The following MAGI1 variants were observed in gnomAD, a reference collection of about 807,000 sequenced individuals.
MAGI1 encodes membrane-associated guanylate kinase, WW and PDZ domain-containing protein 1.
A neutral mutation model predicts 139.9 loss-of-function variants in MAGI1; 58 were observed. That is an observed-to-expected ratio of 0.41 (90% confidence interval 0.34 to 0.52). MAGI1 has a LOEUF of 0.52. Among genes scored for constraint, MAGI1 ranks in the 20% least tolerant of loss-of-function variants. The pLI is 0.12. For missense variants in MAGI1, 1,874 were observed against 1,901.6 expected (o/e 0.99, Z 0.27); for synonymous variants, 812 against 737.9 (o/e 1.10, Z -1.63).
At chr3:65,575,291 T>G (rs998672642) in intron 2 of MAGI1, among the ~76,000 whole-genome samples, 1 of 152,010 alleles carries the variant, frequency 6.6e-6, no homozygotes, top group African/African-American at 2.4e-5. Flanking sequence ...CATGAAAAAT[T>G]AGTCATTATA....
At chr3:65,631,218 C>T (rs2084283767) in intron 1 of MAGI1, among the ~76,000 whole-genome samples, 1 of 152,104 alleles carries the variant, frequency 6.6e-6, no homozygotes, top group Non-Finnish European at 1.5e-5. Context: ...GAGGAAGACA[C>T]CACATGCAAT....
chr3:65,728,414 A>T (rs2033845013), intron 1 of MAGI1, among the ~76,000 whole-genome samples: 1 of 152,224 alleles, frequency 6.6e-6, no homozygotes, highest in African/African-American at 2.4e-5. Context: ...GAAGCTGCTC[A>T]GCAGTTTTCA....
At chr3:65,567,613 G>T (rs2108050123) in intron 2 of MAGI1, among the ~76,000 whole-genome samples, 1 of 152,278 alleles carries the variant, frequency 6.6e-6, no homozygotes, top group African/African-American at 2.4e-5. Context: ...GAGGCTGGTG[G>T]ATCACTTGAG....
intron 1 of MAGI1, among the ~76,000 whole-genome samples, chr3:65,981,277 G>A (rs1234133166): frequency 6.6e-6 from 1 of 152,136 alleles, no homozygotes; most frequent in Non-Finnish European, 1.5e-5. Context: ...CTCCACTGTA[G>A]AACATTTTAA....
intron 1 of MAGI1, among the ~76,000 whole-genome samples, chr3:65,853,145 C>A (rs1004360236): frequency 6.6e-6 from 1 of 151,424 alleles, no homozygotes; most frequent in Non-Finnish European, 1.5e-5. Flanking sequence ...CCAGCCAGGG[C>A]GACAGAGCGA....
intron 22 of MAGI1, chr3:65,360,832 C>G: frequency 9.2e-7 from 1 of 1,091,530 alleles, no homozygotes. Context: ...AGGAAACCTG[C>G]TTTCCTGCTT....
chr3:65,838,804 C>A (rs914652589), intron 1 of MAGI1, among the ~76,000 whole-genome samples: 1 of 152,276 alleles, frequency 6.6e-6, no homozygotes, highest in Admixed American at 6.5e-5. Context: ...ATGGACATAT[C>A]ATTTTCCAGT....
chr3:65,974,434 G>A (rs539107865), intron 1 of MAGI1, among the ~76,000 whole-genome samples: 6 of 151,540 alleles, frequency 4.0e-5, no homozygotes, highest in Admixed American at 3.9e-4. Context: ...TGGATGGATG[G>A]ATGCATGGAT....
chr3:65,429,532 C>T lies in MAGI1; in HGVS notation c.2155G>A (p.Val719Met). 6.2e-7 allele frequency: 1 copy of T among 1,609,686 alleles called. No homozygotes were observed. The highest frequency in any genetic ancestry group is 8.5e-7 in the Non-Finnish European group (1 of 1,176,808). The stretch of plus-strand genomic sequence containing the variant: ...CAACCCTACTTACCTCCTCGTTGCA[C>T]CAACAATGTGACCTCACTTCCCTTA... ...CPKGSEVTLL[V>M]QRGGLPVPKK... Residue 719 changes from valine (V) to methionine (M), a missense_variant, in exon 12 of 23, where the codon GTG (valine) becomes ATG (methionine). By Grantham distance (21) the Val-to-Met change is conservative (BLOSUM62 1). Transcript: ENST00000402939.
rs539032904 is a variant in MAGI1 at position 65,885,412 on chromosome 3, T to C, written c.313+152584A>G. 2.5e-3 allele frequency among the ~76,000 whole-genome samples: 368 copies of C among 149,740 alleles called. 1 individual carries two copies. Among genetic ancestry groups the C allele is most frequent in the African/African-American group, 7.9e-3 (320 of 40,284 alleles). ...AACTCTGTCTCAAAAAAAAAAAAAA[T>C]AGTTTTCACATATATTGTGAACGTT... On this transcript the variant is annotated intron_variant, in intron 1 of 22. Transcript: ENST00000402939.
At chr3:65,861,545 G>C (rs2059556431) in intron 1 of MAGI1, among the ~76,000 whole-genome samples, 1 of 152,118 alleles carries the variant, frequency 6.6e-6, no homozygotes, top group Non-Finnish European at 1.5e-5. Flanking sequence ...CTGTAATAGG[G>C]AAAATAGACT....
At chr3:65,507,858 T>G (rs2077363852) in intron 2 of MAGI1, among the ~76,000 whole-genome samples, 1 of 152,016 alleles carries the variant, frequency 6.6e-6, no homozygotes, top group African/African-American at 2.4e-5. Context: ...TTTTTTTCAG[T>G]CTCATTGTTA....
At chr3:65,507,202 A>C (rs956276572) in intron 2 of MAGI1, among the ~76,000 whole-genome samples, 1 of 152,242 alleles carries the variant, frequency 6.6e-6, no homozygotes, top group Admixed American at 6.5e-5. Context: ...TAAAATTTCT[A>C]GCCACACAGC....
chr3:65,766,359 C>T (rs1227570359), intron 1 of MAGI1, among the ~76,000 whole-genome samples: 1 of 152,080 alleles, frequency 6.6e-6, no homozygotes, highest in African/African-American at 2.4e-5. Flanking sequence ...GTGATTCTTT[C>T]CGGGTACCAT....
At chr3:65,890,901 C>T (rs936324368) in intron 1 of MAGI1, among the ~76,000 whole-genome samples, 3 of 152,290 alleles carry the variant, frequency 2.0e-5, no homozygotes, top group South Asian at 4.1e-4. Context: ...TGTATCGCCT[C>T]GTTTGTTTAG....
intron 1 of MAGI1, among the ~76,000 whole-genome samples, chr3:65,930,680 G>A (rs546694702): frequency 6.6e-6 from 1 of 152,110 alleles, no homozygotes; most frequent in Non-Finnish European, 1.5e-5. Context: ...GATTAAACAG[G>A]TTGCGGTAAA....
At chr3:65,946,841 A>G (rs2063566236) in intron 1 of MAGI1, among the ~76,000 whole-genome samples, 1 of 152,226 alleles carries the variant, frequency 6.6e-6, no homozygotes, top group African/African-American at 2.4e-5. Flanking sequence ...GTAAGAAAAT[A>G]TAGGAAAAAG....
At chr3:65,502,262 GC>G (rs1380689866) in intron 2 of MAGI1, among the ~76,000 whole-genome samples, 1 of 152,184 alleles carries the variant, frequency 6.6e-6, no homozygotes, top group Non-Finnish European at 1.5e-5. Flanking sequence ...CAAAAATAAA[GC>G]CATTTTGTTT....
At chr3:65,747,466 T>TA (rs1447561442) in intron 1 of MAGI1, among the ~76,000 whole-genome samples, 13 of 152,240 alleles carry the variant, frequency 8.5e-5, no homozygotes, top group Non-Finnish European at 1.5e-4. Flanking sequence ...ACTATTTCTT[T>TA]AAAAAATATT....
Sources: allele counts gnomAD v4.1 joint callset (sites outside exome capture counted in the v4.1 genomes callset), GRCh38; gene constraint gnomAD v4.1.1; transcripts MANE v1.5; gene names NCBI Gene and HGNC (gene_info 2026-07-23, HGNC 2026-07-21).